The following PRKG1 variants were observed in gnomAD, a reference collection of about 807,000 sequenced individuals.
PRKG1 encodes cGMP-dependent protein kinase 1.
PRKG1 carries 35 observed loss-of-function variants against 88.1 expected under a neutral mutation model. The ratio of observed to expected loss-of-function variants is 0.40; its 90% CI spans 0.30 to 0.53. PRKG1 has a LOEUF of 0.53. Ranked by LOEUF, PRKG1 falls within the 20% of genes least tolerant of loss-of-function variation. The pLI, the probability that PRKG1 is intolerant of heterozygous loss-of-function variation, is 0.59. For missense variants in PRKG1, 540 were observed against 839.8 expected, an observed-to-expected ratio of 0.64 and a Z score of 4.41; for synonymous variants, 303 against 292.5, an observed-to-expected ratio of 1.04 and a Z score of -0.37.
intron 2 of PRKG1, among the ~76,000 whole-genome samples, chr10:51,155,707 G>GCCCATTGATCAGAGATGCTGCA (rs1194512652): frequency 6.6e-6 from 1 of 151,864 alleles, no homozygotes; most frequent in Non-Finnish European, 1.5e-5. Flanking sequence ...ACAGGGTAAG[G>GCCCATTGATCAGAGATGCTGCA]CCCATTGATC....
At position 52,054,580 on chromosome 10, in the gene PRKG1, A is replaced by C; in HGVS notation, c.840+19A>C. ...AGGAACGGTAAGCTTTGGTGGCACA[A>C]GACAGTGATGCACTAGGGGAGCCTG... On this transcript the variant is annotated intron_variant, in intron 6 of 17. Coordinates refer to ENST00000373980, the MANE Select transcript of PRKG1 (RefSeq NM_006258.4). The C allele has an allele frequency of 6.2e-7, 1 of 1,609,514 alleles. No homozygotes were observed. The highest frequency in any genetic ancestry group is 8.5e-7 in the Non-Finnish European group (1 of 1,175,926).
chr10:52,289,351 C>A (rs1198983142), intron 16 of PRKG1, among the ~76,000 whole-genome samples: 2 of 152,004 alleles, frequency 1.3e-5, no homozygotes, highest in Non-Finnish European at 2.9e-5. Context: ...TTCCTAAAGA[C>A]AAAATATATT....
chr10:52,009,858 A>G (rs1844837044), intron 5 of PRKG1, among the ~76,000 whole-genome samples: 1 of 152,170 alleles, frequency 6.6e-6, no homozygotes, highest in African/African-American at 2.4e-5. Context: ...ACAGCACAGA[A>G]GTAATGTTGC....
intron 3 of PRKG1, among the ~76,000 whole-genome samples, chr10:51,605,535 C>G (rs1433174058): frequency 1.3e-5 from 2 of 152,190 alleles, no homozygotes; most frequent in African/African-American, 4.8e-5. Flanking sequence ...GGCAGAGAAA[C>G]AAACATAATA....
intron 4 of PRKG1, among the ~76,000 whole-genome samples, chr10:51,850,587 T>C (rs1040263533): frequency 1.3e-5 from 2 of 151,952 alleles, no homozygotes; most frequent in Non-Finnish European, 2.9e-5. Flanking sequence ...AGGGAAAACA[T>C]TTGCATTACA....
intron 9 of PRKG1, among the ~76,000 whole-genome samples, chr10:52,210,987 C>T (rs1839957302): frequency 6.6e-6 from 1 of 152,242 alleles, no homozygotes; most frequent in Middle Eastern, 3.4e-3. Flanking sequence ...TAAAATAGCA[C>T]CTCTAACTGG....
chr10:52,160,763 C>A (rs564987110), intron 8 of PRKG1, among the ~76,000 whole-genome samples: 1 of 152,142 alleles, frequency 6.6e-6, no homozygotes, highest in African/African-American at 2.4e-5. Flanking sequence ...AAACCATTTA[C>A]ATGTATTAAG....
rs1402992464 is a variant in PRKG1, at chr10:52,254,166, T to A, written c.1173+2500T>A. On this transcript the variant is annotated intron_variant, in intron 10 of 17. Coordinates refer to ENST00000373980, the MANE Select transcript of PRKG1 (RefSeq NM_006258.4). ...TTGTACATAACATTGTCACGGAATA[T>A]AATCAATCACCATAAGGGTAACAGT... is the stretch of plus-strand genomic sequence containing the variant. Among the ~76,000 whole-genome samples, 8 of 152,150 alleles carry A rather than the reference T, an allele frequency of 5.3e-5. No homozygotes were observed. The South Asian group carries it at 1.5e-3, about 28-fold the overall frequency.
intron 3 of PRKG1, among the ~76,000 whole-genome samples, chr10:51,551,285 A>G (rs188614919): frequency 6.6e-6 from 1 of 151,976 alleles, no homozygotes; most frequent in African/African-American, 2.4e-5. Context: ...AAGGAATTCA[A>G]AGTTTTTCTC....
chr10:51,182,970 C>T (rs1837387245), intron 2 of PRKG1, among the ~76,000 whole-genome samples: 1 of 152,098 alleles, frequency 6.6e-6, no homozygotes, highest in Non-Finnish European at 1.5e-5. Flanking sequence ...CACAATAATT[C>T]TATTGATTTT....
intron 2 of PRKG1, among the ~76,000 whole-genome samples, chr10:51,170,179 C>A (rs1216049049): frequency 6.6e-6 from 1 of 152,004 alleles, no homozygotes; most frequent in African/African-American, 2.4e-5. Context: ...TCATGAAATG[C>A]TTATTTTGTA....
intron 1 of PRKG1, among the ~76,000 whole-genome samples, chr10:51,021,012 G>A (rs1228013951): frequency 1.3e-5 from 2 of 152,008 alleles, no homozygotes; most frequent in Non-Finnish European, 2.9e-5. Flanking sequence ...GTTGAAATTC[G>A]TACCTATGTA....
chr10:51,558,966 G>A (rs1327314030), intron 3 of PRKG1, among the ~76,000 whole-genome samples: 2 of 152,062 alleles, frequency 1.3e-5, no homozygotes, highest in African/African-American at 4.8e-5. Flanking sequence ...TGTATCAACA[G>A]TGCAGTAAGA....
chr10:51,718,510 G>A (rs10762327), intron 3 of PRKG1, among the ~76,000 whole-genome samples: 32,200 of 152,076 alleles, frequency 0.21, 4,004 homozygotes, highest in African/African-American at 0.35. Context: ...TTCTTCTAAA[G>A]GGTAGCCATT....
chr10:51,874,944 G>A (rs1304562584), intron 4 of PRKG1, among the ~76,000 whole-genome samples: 1 of 152,072 alleles, frequency 6.6e-6, no homozygotes, highest in Non-Finnish European at 1.5e-5. Flanking sequence ...GACACTTCCT[G>A]GATTCTGGGG....
intron 2 of PRKG1, among the ~76,000 whole-genome samples, chr10:51,222,288 A>G (rs984813216): frequency 1.3e-5 from 2 of 152,108 alleles, no homozygotes; most frequent in Admixed American, 1.3e-4. Flanking sequence ...TTACTTCAAA[A>G]TAAGGGTTTT....
At chr10:52,208,283 T>C (rs751283152) in intron 9 of PRKG1, among the ~76,000 whole-genome samples, 1 of 152,188 alleles carries the variant, frequency 6.6e-6, no homozygotes, top group Non-Finnish European at 1.5e-5. Flanking sequence ...AACAATCCCT[T>C]TCAAAACTGC....
chr10:51,707,619 A>G (rs987522093), intron 3 of PRKG1, among the ~76,000 whole-genome samples: 2 of 151,896 alleles, frequency 1.3e-5, no homozygotes, highest in Non-Finnish European at 2.9e-5. Context: ...CCGGAACAAT[A>G]CAACACCTCA....
chr10:51,324,719 C>A (rs185149573), intron 2 of PRKG1, among the ~76,000 whole-genome samples: 4 of 152,032 alleles, frequency 2.6e-5, no homozygotes, highest in Admixed American at 6.5e-5. Context: ...CCAGCCTGGG[C>A]GACTGAGCGA....
Sources: allele counts gnomAD v4.1 joint callset (sites outside exome capture counted in the v4.1 genomes callset), GRCh38; gene constraint gnomAD v4.1.1; transcripts MANE v1.5; gene names NCBI Gene and HGNC (gene_info 2026-07-23, HGNC 2026-07-21).